The following HIVEP2 variants were observed in gnomAD, a reference collection of about 807,000 sequenced individuals.
The protein encoded by HIVEP2 is transcription factor HIVEP2.
A neutral mutation model predicts 180.7 loss-of-function variants in HIVEP2; 14 were observed. The ratio of observed to expected loss-of-function variants is 0.08; its 90% CI spans 0.05 to 0.12. The LOEUF (loss-of-function observed/expected upper bound fraction) is 0.12, where lower values mean the gene tolerates loss of function less well. HIVEP2 is among the 10% of genes least tolerant of loss of function. HIVEP2 has a pLI of 1.00. For missense variants in HIVEP2, 2,579 were observed against 3,008.5 expected, an observed-to-expected ratio of 0.86 and a Z score of 3.34; for synonymous variants, 1,184 against 1,136.4, an observed-to-expected ratio of 1.04 and a Z score of -0.84.
chr6:142,761,647 G>T, intron 7 of HIVEP2, 82 bp from the exon 8 acceptor site: 1 of 803,288 alleles, frequency 1.2e-6, no homozygotes, highest in Non-Finnish European at 2.2e-6. Context: ...AATTCAATGT[G>T]AAATGAACTA....
intron 1 of HIVEP2, among the ~76,000 whole-genome samples, chr6:142,918,987 A>G (rs1042937159): frequency 2.0e-5 from 3 of 152,154 alleles, no homozygotes; most frequent in Non-Finnish European, 4.4e-5. Flanking sequence ...TGCAATTTAG[A>G]TTGTTTTATT....
intron 2 of HIVEP2, among the ~76,000 whole-genome samples, chr6:142,813,904 C>G (rs1368267157): frequency 6.6e-6 from 1 of 151,912 alleles, no homozygotes; most frequent in Non-Finnish European, 1.5e-5. Flanking sequence ...TCTTTACAAT[C>G]TTTCCTCTAT....
chr6:142,763,921 A>G (rs1315435466), intron 7 of HIVEP2, among the ~76,000 whole-genome samples: 1 of 152,232 alleles, frequency 6.6e-6, no homozygotes, highest in Admixed American at 6.5e-5. Context: ...ATAAAAGAAT[A>G]TAGGTATACA....
intron 7 of HIVEP2, among the ~76,000 whole-genome samples, chr6:142,764,505 C>A (rs1197865987): frequency 2.0e-5 from 3 of 152,106 alleles, no homozygotes; most frequent in Non-Finnish European, 4.4e-5. Context: ...TTATCTAGAC[C>A]ACATAACATT....
chr6:142,889,398 T>C (rs1012900791), intron 1 of HIVEP2, among the ~76,000 whole-genome samples: 6 of 152,050 alleles, frequency 3.9e-5, no homozygotes, highest in African/African-American at 1.4e-4. Flanking sequence ...TTTGAGATTA[T>C]AGTGAGCTGT....
intron 1 of HIVEP2, among the ~76,000 whole-genome samples, chr6:142,873,783 A>G (rs964568622): frequency 6.6e-6 from 1 of 152,210 alleles, no homozygotes; most frequent in Admixed American, 6.5e-5. Context: ...AAATTAACAT[A>G]TTCATAAAAA....
chr6:142,848,006 G>A (rs1775560128), intron 1 of HIVEP2, among the ~76,000 whole-genome samples: 1 of 152,204 alleles, frequency 6.6e-6, no homozygotes, highest in African/African-American at 2.4e-5. Flanking sequence ...ATATAGGACT[G>A]TCACAAATCA....
At chr6:142,942,731 A>G (rs913002728) in intron 1 of HIVEP2, among the ~76,000 whole-genome samples, 61 of 152,138 alleles carry the variant, frequency 4.0e-4, no homozygotes, top group African/African-American at 1.4e-3. Context: ...TCATTAATAT[A>G]CCACCATTCC....
At chr6:142,915,872 T>C (rs1777539376) in intron 1 of HIVEP2, among the ~76,000 whole-genome samples, 1 of 152,200 alleles carries the variant, frequency 6.6e-6, no homozygotes, top group Non-Finnish European at 1.5e-5. Flanking sequence ...GGCATCTCCA[T>C]TTAGATAATT....
rs775374475 is a variant in HIVEP2, at chr6:142,753,385, G to C, written c.7063C>G (p.Gln2355Glu). 1 of 1,613,998 alleles carries C rather than the reference G, an allele frequency of 6.2e-7. No homozygotes were observed. ...LLGPDQPARVQEPHQNPLGSA... is the reference protein window; with the variant it reads ...LLGPDQPARVEEPHQNPLGSA... Reference sequence around the variant, plus strand: ...CCCAGGGGGTTCTGGTGGGGCTCCTGCACCCGCGCTGGCTGATCTGGCCCG... The same window carrying C: ...CCCAGGGGGTTCTGGTGGGGCTCCTCCACCCGCGCTGGCTGATCTGGCCCG... Residue 2355 changes from glutamine (Q) to glutamate (E), a missense_variant, in exon 10 of 10, where the codon CAG becomes GAG. Transcript: ENST00000367603.
chr6:142,760,178 C>T lies in HIVEP2; in HGVS notation c.6110G>A (p.Arg2037Lys), dbSNP rs1488689112. The T allele has an allele frequency of 1.2e-6, 2 of 1,614,144 alleles. No homozygotes were observed. The highest frequency in any genetic ancestry group is 1.7e-6 in the Non-Finnish European group (2 of 1,180,006). Residue 2037 changes from arginine to lysine, a missense_variant, in exon 9 of 10, where the codon AGG (arginine) becomes AAG (lysine). Physicochemically the swap from Arg to Lys is conservative, Grantham distance 26. Around this residue, in one of 11 missense-constraint regions of HIVEP2, gnomAD observed 660 missense variants for 731.7 expected, o/e 0.90. Coordinates refer to ENST00000367603, the MANE Select transcript of HIVEP2 (RefSeq NM_006734.4). ...MLPSEPSSSP[R>K]DFSPSSHHSS... ...ATGGTGGCTTGAGGGTGAGAAGTCC[C>T]TGGGAGAGGAGCTTGGCTCTGAAGG...
chr6:142,918,050 G>C (rs980931983), intron 1 of HIVEP2, among the ~76,000 whole-genome samples: 3 of 152,162 alleles, frequency 2.0e-5, no homozygotes, highest in Admixed American at 6.5e-5. Flanking sequence ...TGGGATTATA[G>C]ACGTGAGCCA....
At chr6:142,787,149 G>A (rs1030242593) in intron 2 of HIVEP2, among the ~76,000 whole-genome samples, 1 of 151,978 alleles carries the variant, frequency 6.6e-6, no homozygotes, top group Admixed American at 6.6e-5. Context: ...CCAGCTGCTT[G>A]GGAGGCTGAG....
chr6:142,757,713 A>G (rs1775112896), intron 9 of HIVEP2, among the ~76,000 whole-genome samples: 1 of 152,088 alleles, frequency 6.6e-6, no homozygotes. Context: ...CAAAACAAAA[A>G]CACATCAAAA....
Position 142,753,265 on chromosome 6 carries a change from C to T in HIVEP2, c.7183G>A (p.Asp2395Asn), listed in dbSNP as rs775537837. ...GGAGTCTGTGATGTACCAAAATTGT[C>T]CTTTTCACCATCATGCAAGTCAGGG... ...THPDLHDGEKDNFGTSQTPLA... is the reference protein window; with the variant it reads ...THPDLHDGEKNNFGTSQTPLA... The change falls in exon 10 of 10, where the codon GAC (aspartate) becomes AAC (asparagine). Residue 2395 changes from aspartate (D) to asparagine (N), a missense_variant. Physicochemically the swap from Asp to Asn is conservative, Grantham distance 23 (BLOSUM62 1). Around this residue, in one of 11 missense-constraint regions of HIVEP2, gnomAD observed 660 missense variants for 731.7 expected, o/e 0.90. Coordinates refer to ENST00000367603, the MANE Select transcript of HIVEP2 (RefSeq NM_006734.4). 1 of 1,614,140 alleles carries T rather than the reference C, an allele frequency of 6.2e-7. No individual in the cohort carries two copies. The highest frequency in any genetic ancestry group is 1.1e-5 in the South Asian group (1 of 91,080).
rs1353152109 is a variant in HIVEP2 at position 142,759,935 on chromosome 6, G to T, written c.6353C>A (p.Ser2118Tyr). The T allele has an allele frequency of 6.2e-7, 1 of 1,614,080 alleles. No individual in the cohort carries two copies. Among genetic ancestry groups the T allele is most frequent in the Non-Finnish European group, 8.5e-7 (1 of 1,179,982 alleles). The part of the protein sequence containing the change: ...RRHLSPRRPV[S>Y]PGKDITARRD... The stretch of plus-strand genomic sequence containing the variant: ...TCTTGCTGTGATATCTTTCCCAGGA[G>T]ACACTGGCCTCCTTGGAGACAAATG... Residue 2118 changes from serine (S) to tyrosine (Y), a missense_variant, in exon 9 of 10, where the codon TCT becomes TAT. Transcript: ENST00000367603.
chr6:142,908,031 T>C (rs1028213206), intron 1 of HIVEP2, among the ~76,000 whole-genome samples: 1 of 152,222 alleles, frequency 6.6e-6, no homozygotes, highest in Non-Finnish European at 1.5e-5. Context: ...AAAGGACTTT[T>C]AGCACAACAA....
At chr6:142,856,892 C>T (rs773175103) in intron 1 of HIVEP2, among the ~76,000 whole-genome samples, 36 of 152,216 alleles carry the variant, frequency 2.4e-4, no homozygotes, top group Non-Finnish European at 5.3e-4. Context: ...CCGAGACCAA[C>T]CTGGACTTCC....
intron 2 of HIVEP2, among the ~76,000 whole-genome samples, chr6:142,796,223 G>A (rs1776276075): frequency 6.6e-6 from 1 of 152,098 alleles, no homozygotes; most frequent in South Asian, 2.1e-4. Context: ...ATAGTAAACA[G>A]TCAGAAAGCT....
Sources: allele counts gnomAD v4.1 joint callset (sites outside exome capture counted in the v4.1 genomes callset), GRCh38; gene constraint gnomAD v4.1.1; regional missense constraint gnomAD v4.1.1; transcripts MANE v1.5; gene names NCBI Gene and HGNC (gene_info 2026-07-23, HGNC 2026-07-21).